Variants in NLRP1 observed in about 807,000 individuals in gnomAD.
NLRP1 encodes the protein NLR family pyrin domain containing 1.
In NLRP1, 94 loss-of-function variants were observed where a neutral mutation model predicts 136.7. That is an observed-to-expected ratio of 0.69 (90% CI 0.58 to 0.82). The LOEUF is 0.82. Among genes scored for constraint, NLRP1 ranks in the 40% least tolerant of loss-of-function variants. NLRP1 has a pLI of 0.00. For missense variants in NLRP1, 1,575 were observed against 1,802.7 expected, an observed-to-expected ratio of 0.87 and a Z score of 2.29; for synonymous variants, 690 against 725.1, an observed-to-expected ratio of 0.95 and a Z score of 0.78.
At chr17:5,575,491 A>G (rs1351540920) in intron 3 of NLRP1, among the ~76,000 whole-genome samples, 2 of 152,252 alleles carry the variant, frequency 1.3e-5, no homozygotes, top group Non-Finnish European at 1.5e-5. Flanking sequence ...CTGATAAAAC[A>G]GACTTTAAAC....
rs199922453 is a variant in NLRP1 at position 5,541,948 on chromosome 17, G to A, written c.2608C>T (p.Leu870=). 1.7e-5 allele frequency: 28 copies of A among 1,614,056 alleles called. No homozygotes were observed. Among genetic ancestry groups the A allele is most frequent in the Non-Finnish European group, 2.1e-5 (25 of 1,180,038 alleles). ...GTGAGCACATTGAAGCTCAGGTCCA[G>A]CTCGGTCAGGGTCTGGTTGGCTCTC... ...GLRANQTLTE[L]DLSFNVLTDA... Residue 870 remains leucine (L), a synonymous_variant, in exon 6 of 17, where the codon CTG becomes TTG. Coordinates refer to ENST00000572272, the MANE Select transcript of NLRP1 (RefSeq NM_033004.4). This position sits in a 1 kb window ranked among gnomAD's most constrained non-coding sequence, Gnocchi z 4.2.
chr17:5,515,257 G>A (rs1442010451), intron 16 of NLRP1, among the ~76,000 whole-genome samples, 184 bp from the exon 17 acceptor site: 1 of 152,208 alleles, frequency 6.6e-6, no homozygotes, highest in Non-Finnish European at 1.5e-5. Flanking sequence ...TGGGGTTCCT[G>A]CTGGGCACAT....
At chr17:5,516,156 C>T (rs949183891) in intron 15 of NLRP1, among the ~76,000 whole-genome samples, 6 of 152,048 alleles carry the variant, frequency 3.9e-5, no homozygotes, top group African/African-American at 1.4e-4. Context: ...GCTCTAAGTT[C>T]AGTGTGATCT....
intron 12 of NLRP1, among the ~76,000 whole-genome samples, chr17:5,524,491 G>A (rs59176180): frequency 7.7e-4 from 117 of 152,286 alleles, no homozygotes; most frequent in Middle Eastern, 3.4e-3. Context: ...TTGTGTTATT[G>A]CCTTGAAATC....
rs149035689 is a variant in NLRP1 at position 5,558,809 on chromosome 17, G to T, written c.1887C>A (p.Phe629Leu). 8.7e-4 allele frequency: 1,407 copies of T among 1,614,190 alleles called. 14 individuals are homozygous for T. In the South Asian group the frequency reaches 0.012, roughly 14 times the overall value. Residue 629 changes from phenylalanine to leucine, a missense_variant, in exon 4 of 17, where the codon TTC (phenylalanine) becomes TTA (leucine). Physicochemically the swap from Phe to Leu is conservative, Grantham distance 22. Transcript: ENST00000572272. ...CCAAGACATAGGACATTGCTGCAAA[G>T]AACTCTTGGAAACAGAGGTGAATGA... ...YSFIHLCFQE[F>L]FAAMSYVLED...
chr17:5,564,341 T>A (rs918700264), intron 3 of NLRP1, among the ~76,000 whole-genome samples: 4 of 152,214 alleles, frequency 2.6e-5, no homozygotes, highest in Non-Finnish European at 5.9e-5. Context: ...CACCTTTCCC[T>A]CTTGCCCCCC....
At chr17:5,516,716 A>T (rs1028544497) in intron 15 of NLRP1, among the ~76,000 whole-genome samples, 3 of 152,256 alleles carry the variant, frequency 2.0e-5, no homozygotes, top group African/African-American at 7.2e-5. Flanking sequence ...AAGGTCACTC[A>T]GCAAGTAAGT....
chr17:5,522,130 G>A (rs774875441), intron 12 of NLRP1, among the ~76,000 whole-genome samples: 8 of 152,232 alleles, frequency 5.3e-5, no homozygotes, highest in Non-Finnish European at 1.2e-4. Context: ...CAGCCCAAGA[G>A]GCCTAGATTT....
intron 14 of NLRP1, among the ~76,000 whole-genome samples, chr17:5,520,171 T>C (rs1448991624): frequency 1.3e-5 from 2 of 152,138 alleles, no homozygotes; most frequent in African/African-American, 4.8e-5. Context: ...TCAGGTCTTG[T>C]ATTAGCTGTT....
intron 3 of NLRP1, among the ~76,000 whole-genome samples, chr17:5,571,946 A>G (rs1034175007): frequency 2.0e-5 from 3 of 152,212 alleles, no homozygotes; most frequent in Admixed American, 1.3e-4. Context: ...ATAAAGCTGT[A>G]TATCTACAAC....
intron 12 of NLRP1, chr17:5,529,840 T>G (rs555460299): frequency 7.4e-4 from 270 of 365,590 alleles, no homozygotes; most frequent in Non-Finnish European, 1.0e-3. Flanking sequence ...TTTAAGGGAC[T>G]GATTCTGGTA....
Position 5,544,918 on chromosome 17 carries a change from A to T in NLRP1, c.2529-2891T>A, listed in dbSNP as rs183285478. 5.3e-4 allele frequency among the ~76,000 whole-genome samples: 81 copies of T among 152,234 alleles called. 1 individual carries two copies. Among genetic ancestry groups the T allele is most frequent in the African/African-American group, 1.8e-3 (74 of 41,530 alleles). On this transcript the variant is annotated intron_variant, in intron 5 of 16. Transcript: ENST00000572272. ...AGCTGCAGATGCAGGGTTGGCAGACACTGTGGGAGCGGCCATCTGATATGA... is the reference window on the plus strand; with the variant it reads ...AGCTGCAGATGCAGGGTTGGCAGACTCTGTGGGAGCGGCCATCTGATATGA...
intron 5 of NLRP1, among the ~76,000 whole-genome samples, chr17:5,549,523 A>C (rs552568426): frequency 1.3e-5 from 2 of 151,804 alleles, no homozygotes; most frequent in Non-Finnish European, 2.9e-5. Context: ...CAAGCAATCC[A>C]CCCACCTCAG....
downstream of NLRP1, among the ~76,000 whole-genome samples, chr17:5,510,440 A>C (rs1393975498): frequency 6.6e-6 from 1 of 151,244 alleles, no homozygotes; most frequent in East Asian, 2.0e-4. Context: ...GCTCACTGCA[A>C]CCTGTGCCTC....
chr17:5,517,906 G>A lies in NLRP1; in HGVS notation c.3916-19C>T. On this transcript the variant is annotated intron_variant, in intron 14 of 16. Transcript: ENST00000572272. ...CCAGTTCCTGAAGAGGCAAAGAGTT[G>A]AGTTGCCACCCTGTTCATCTTGCAT... 1.2e-6 allele frequency: 2 copies of A among 1,613,162 alleles called. No homozygotes were observed. Among genetic ancestry groups the A allele is most frequent in the Non-Finnish European group, 1.7e-6 (2 of 1,179,696 alleles).
At chr17:5,516,320 C>T (rs1297766987) in intron 15 of NLRP1, among the ~76,000 whole-genome samples, 1 of 152,120 alleles carries the variant, frequency 6.6e-6, no homozygotes, top group African/African-American at 2.4e-5. Context: ...ACTGGAGCAT[C>T]TACTGAGGGA....
intron 12 of NLRP1, among the ~76,000 whole-genome samples, chr17:5,527,951 G>A (rs2151750841): frequency 6.6e-6 from 1 of 152,252 alleles, no homozygotes; most frequent in East Asian, 1.9e-4. Flanking sequence ...AGTGGGGAAT[G>A]AGGGGGCGCT....
At chr17:5,540,465 G>C (rs1024915582) in intron 6 of NLRP1, among the ~76,000 whole-genome samples, 1 of 152,094 alleles carries the variant, frequency 6.6e-6, no homozygotes. Context: ...AGCTGGGTCT[G>C]CTCAGACCCA....
Position 5,582,859 on chromosome 17 carries a change from G to C in NLRP1, c.272-13C>G. The C allele has an allele frequency of 3.8e-6, 6 of 1,592,602 alleles. No individual in the cohort carries two copies. Among genetic ancestry groups the C allele is most frequent in the Non-Finnish European group, 4.3e-6 (5 of 1,168,736 alleles). ...GAGGGAGAGTGGCCTACAGGAAAGA[G>C]ACAAAGAGGTTGGAGACACATCAGA... On this transcript the variant is annotated splice_polypyrimidine_tract_variant and intron_variant, in intron 1 of 16. Coordinates refer to ENST00000572272, the MANE Select transcript of NLRP1 (RefSeq NM_033004.4).
Sources: gnomAD v4.1 joint callset for allele counts (sites outside exome capture counted in the v4.1 genomes callset) on GRCh38, gnomAD v4.1.1 for gene constraint, Gnocchi (gnomAD v3.1) non-coding constraint, MANE v1.5 for transcripts, NCBI Gene and HGNC (gene_info 2026-07-23, HGNC 2026-07-21) for gene names.